The following DENND5B variants were observed in gnomAD, a reference collection of about 807,000 sequenced individuals.
The protein encoded by DENND5B is DENN domain containing 5B.
DENND5B carries 34 observed loss-of-function variants against 140.6 expected under a neutral mutation model. The observed-to-expected ratio is 0.24, with a 90% CI of 0.18 to 0.32. The LOEUF (loss-of-function observed/expected upper bound fraction) is 0.32. DENND5B is among the 10% of genes least tolerant of loss of function. The probability of loss-of-function intolerance (pLI) is 1.00; values close to 1 mark genes in which losing one functional copy is unlikely to be tolerated. For synonymous variants in DENND5B, 551 were observed against 562.1 expected, an observed-to-expected ratio of 0.98 and a Z score of 0.28; for missense variants, 1,142 against 1,560.2, an observed-to-expected ratio of 0.73 and a Z score of 4.52.
intron 19 of DENND5B, 129 bp downstream of exon 19, chr12:31,392,138 C>CAAAA: frequency 4.2e-6 from 3 of 715,864 alleles, no homozygotes; most frequent in Non-Finnish European, 3.7e-6. Context: ...GATTCCGTCT[C>CAAAA]AAAAAAAAAA....
Position 31,384,735 on chromosome 12 carries a change from T to C in DENND5B, c.*2868A>G, listed in dbSNP as rs936044432. 5 of 152,036 alleles carry C rather than the reference T, an allele frequency of 3.3e-5. No individual in the cohort carries two copies. The highest frequency in any genetic ancestry group is 6.6e-5 in the Admixed American group (1 of 15,258). The allele number at this position is 152,036 out of a possible 1,614,324, so 9.4% of individuals were successfully genotyped here. A position where few individuals can be genotyped will look rare whatever the true frequency, so the allele number is the denominator to read the frequency against. ...CTTTTTAAAGTAATGGTTTTATTCA[T>C]AGGCCGCAAATCCAACTTTGGCTGC... On this transcript the variant is annotated 3_prime_UTR_variant, in exon 21 of 21. Coordinates refer to ENST00000389082, the MANE Select transcript of DENND5B (RefSeq NM_144973.4).
chr12:31,537,215 T>C (rs1422128592), intron 1 of DENND5B, among the ~76,000 whole-genome samples: 1 of 152,182 alleles, frequency 6.6e-6, no homozygotes, highest in Non-Finnish European at 1.5e-5. Context: ...ATTACTCTTA[T>C]TTTAAGTAGA....
rs1379829907 is a variant in DENND5B at position 31,519,459 on chromosome 12, T to G, written c.128-23540A>C. On this transcript the variant is annotated intron_variant, in intron 1 of 20. Coordinates refer to ENST00000389082, the MANE Select transcript of DENND5B (RefSeq NM_144973.4). ...AACAAATGATTAAATATTGGAGTGG[T>G]TTTCTTTCTACTCATCTGCTGGATT... 8.5e-5 allele frequency among the ~76,000 whole-genome samples: 13 copies of G among 152,322 alleles called. No individual in the cohort carries two copies. The East Asian group carries it at 1.9e-3, about 23-fold the overall frequency.
In DENND5B at chr12:31,404,759, C is replaced by CTTTTTTTTTTTTTT. The variant is rs71062425; in HGVS notation, c.2804-2130_2804-2117dup. Among the ~76,000 whole-genome samples, 8 of 74,070 alleles carry CTTTTTTTTTTTTTT rather than the reference C, an allele frequency of 1.1e-4. 2 individuals carry two copies. Among genetic ancestry groups the CTTTTTTTTTTTTTT allele is most frequent in the Non-Finnish European group, 4.9e-5 (2 of 41,048 alleles). 48.6% of individuals were successfully genotyped at this position (74,070 alleles called of 152,430 possible). A position where few individuals can be genotyped will look rare whatever the true frequency, so the allele number is the denominator to read the frequency against. On this transcript the variant is annotated intron_variant, in intron 14 of 20. Transcript: ENST00000389082. ...ATAAGCCACCGCGTCCGACCTCTAG[C>CTTTTTTTTTTTTTT]TTTTTTTTTTTTTTTTTGAGACAGA...
At chr12:31,563,449 CAG>C (rs1233070883) in intron 1 of DENND5B, among the ~76,000 whole-genome samples, 1 of 152,060 alleles carries the variant, frequency 6.6e-6, no homozygotes, top group African/African-American at 2.4e-5. Flanking sequence ...CTGTGTAAAG[CAG>C]AGAGTTAATG....
intron 2 of DENND5B, among the ~76,000 whole-genome samples, chr12:31,488,217 C>A (rs1204099131): frequency 6.6e-6 from 1 of 151,186 alleles, no homozygotes; most frequent in Non-Finnish European, 1.5e-5. Context: ...CTCAAGTGAT[C>A]CACTCGCCTC....
At chr12:31,541,335 G>A (rs1429932476) in intron 1 of DENND5B, among the ~76,000 whole-genome samples, 1 of 152,118 alleles carries the variant, frequency 6.6e-6, no homozygotes, top group African/African-American at 2.4e-5. Flanking sequence ...AAATACATAA[G>A]GAAGCTCATG....
In DENND5B at chr12:31,560,386, C is replaced by A. The variant is rs1446737257; in HGVS notation, c.127+30320G>T. 3.3e-5 allele frequency among the ~76,000 whole-genome samples: 5 copies of A among 152,144 alleles called. No homozygotes were observed. The East Asian group carries it at 9.6e-4, about 29-fold the overall frequency. ...ACACCCCGCCTTTTGATAACAAAAT[C>A]CTATTGTTTCAATCTTCCAAATATG... On this transcript the variant is annotated intron_variant, in intron 1 of 20. Coordinates refer to ENST00000389082, the MANE Select transcript of DENND5B (RefSeq NM_144973.4).
chr12:31,519,531 G>T (rs1565658727), intron 1 of DENND5B, among the ~76,000 whole-genome samples: 2 of 151,826 alleles, frequency 1.3e-5, no homozygotes. Context: ...ATTAGAATTT[G>T]AATGTATTAG....
chr12:31,397,630 T>C (rs1307062783), intron 17 of DENND5B, among the ~76,000 whole-genome samples: 2 of 151,450 alleles, frequency 1.3e-5, no homozygotes, highest in Non-Finnish European at 1.5e-5. Context: ...ATTTCTCTTT[T>C]AAGTTTCAGG....
rs1224070084 is a variant in DENND5B at position 31,447,599 on chromosome 12, A to G, written c.1800T>C (p.Asn600=). The part of the protein sequence containing the change: ...DTRIDKIRLY[N]VRAPTLRTSI... ...ATGTCCGCAAGGTGGGTGCCCTTAC[A>G]TTATACAGCCTTATCTTATCAATCC... is the stretch of plus-strand genomic sequence containing the variant. The change falls in exon 6 of 21, where the codon AAT becomes AAC. Residue 600 remains asparagine (N), a synonymous_variant. Coordinates refer to ENST00000389082, the MANE Select transcript of DENND5B (RefSeq NM_144973.4). 43 of 1,613,886 alleles carry G rather than the reference A, an allele frequency of 2.7e-5. No individual in the cohort carries two copies. Among genetic ancestry groups the G allele is most frequent in the Non-Finnish European group, 3.4e-5 (40 of 1,179,906 alleles).
At chr12:31,450,299 C>T (rs1452074147) in intron 5 of DENND5B, among the ~76,000 whole-genome samples, 2 of 152,234 alleles carry the variant, frequency 1.3e-5, no homozygotes, top group South Asian at 4.1e-4. Context: ...AACACCAGAA[C>T]GTAACTGTTC....
At chr12:31,562,554 C>T (rs1321826297) in intron 1 of DENND5B, among the ~76,000 whole-genome samples, 1 of 151,590 alleles carries the variant, frequency 6.6e-6, no homozygotes, top group Admixed American at 6.6e-5. Context: ...GTGGAGGTTG[C>T]GGTGAGCCGA....
chr12:31,475,986 C>G (rs1191803582), intron 3 of DENND5B, among the ~76,000 whole-genome samples: 1 of 151,330 alleles, frequency 6.6e-6, no homozygotes, highest in Non-Finnish European at 1.5e-5. Context: ...ATTAGCCAGG[C>G]ATGGTGGTGC....
intron 1 of DENND5B, among the ~76,000 whole-genome samples, chr12:31,520,051 G>C (rs1392198333): frequency 1.3e-5 from 2 of 152,146 alleles, no homozygotes; most frequent in African/African-American, 2.4e-5. Context: ...AAATTTTATA[G>C]TGTTTAGGCA....
chr12:31,421,831 C>T (rs756228018), intron 11 of DENND5B, among the ~76,000 whole-genome samples: 1 of 152,156 alleles, frequency 6.6e-6, no homozygotes, highest in South Asian at 2.1e-4. Flanking sequence ...GGATTACAGG[C>T]GTTGAGTCAA....
At chr12:31,583,530 T>C (rs1950281945) in intron 1 of DENND5B, among the ~76,000 whole-genome samples, 1 of 151,344 alleles carries the variant, frequency 6.6e-6, no homozygotes, top group Admixed American at 6.6e-5. Context: ...ATACAAAAAT[T>C]AGCCAGGCAT....
intron 2 of DENND5B, among the ~76,000 whole-genome samples, chr12:31,490,868 T>C (rs542738701): frequency 3.3e-5 from 5 of 152,348 alleles, no homozygotes; most frequent in African/African-American, 1.2e-4. Flanking sequence ...TTCTTTGTAA[T>C]CAAAGTTAAC....
chr12:31,563,809 T>TA (rs1279782771), intron 1 of DENND5B, among the ~76,000 whole-genome samples: 1 of 151,964 alleles, frequency 6.6e-6, no homozygotes, highest in Non-Finnish European at 1.5e-5. Flanking sequence ...TCTCTAAATT[T>TA]AAAAAAAACT....
Sources: gnomAD v4.1 joint callset for allele counts (sites outside exome capture counted in the v4.1 genomes callset) on GRCh38, gnomAD v4.1.1 for gene constraint, MANE v1.5 for transcripts, NCBI Gene and HGNC (gene_info 2026-07-23, HGNC 2026-07-21) for gene names.